Variants in AHCYL1 observed in about 807,000 individuals in gnomAD.
AHCYL1 encodes the protein adenosylhomocysteinase like 1.
AHCYL1 carries 20 observed loss-of-function variants against 79.3 expected under a neutral mutation model. The ratio of observed to expected loss-of-function variants is 0.25; its 90% CI spans 0.18 to 0.37. The LOEUF (loss-of-function observed/expected upper bound fraction) is 0.37, where lower values mean the gene tolerates loss of function less well. Among genes scored for constraint, AHCYL1 ranks in the 10% least tolerant of loss-of-function variants. The pLI, the probability that AHCYL1 is intolerant of heterozygous loss-of-function variation, is 1.00. For synonymous variants in AHCYL1, 223 were observed against 242.2 expected, an observed-to-expected ratio of 0.92 and a Z score of 0.74; for missense variants, 330 against 673.6, an observed-to-expected ratio of 0.49 and a Z score of 5.65.
chr1:109,985,194 G>T (rs1649400400), intron 1 of AHCYL1, 22 bp downstream of exon 1: 6 of 1,599,698 alleles, frequency 3.8e-6, no homozygotes, highest in Non-Finnish European at 5.1e-6. Flanking sequence ...CTGGGTGGCG[G>T]CGGGGGCTCG....
chr1:109,994,554 G>A (rs947412926), intron 1 of AHCYL1, among the ~76,000 whole-genome samples: 2 of 152,206 alleles, frequency 1.3e-5, no homozygotes, highest in Non-Finnish European at 2.9e-5. Context: ...CTCCCAAAGT[G>A]TTGGGATTAC....
intron 1 of AHCYL1, among the ~76,000 whole-genome samples, chr1:109,986,435 T>G (rs1248215274): frequency 6.6e-6 from 1 of 152,184 alleles, no homozygotes; most frequent in Non-Finnish European, 1.5e-5. Context: ...AATTAAGAAT[T>G]TAATTCCTTT....
Position 110,021,687 on chromosome 1 carries a change from A to G in AHCYL1, c.*7A>G. 1.2e-6 allele frequency: 2 copies of G among 1,611,984 alleles called. No homozygotes were observed. Among genetic ancestry groups the G allele is most frequent in the Non-Finnish European group, 1.7e-6 (2 of 1,178,428 alleles). ...CTCTCTTTACAGATACTAATGGACCATACTACCAAGGACCAGTCCACCTGA... is the reference window on the plus strand; with the variant it reads ...CTCTCTTTACAGATACTAATGGACCGTACTACCAAGGACCAGTCCACCTGA... On this transcript the variant is annotated 3_prime_UTR_variant, in exon 17 of 17. Coordinates refer to ENST00000369799, the MANE Select transcript of AHCYL1 (RefSeq NM_006621.7).
At chr1:110,011,665 A>C (rs1339621225) in intron 3 of AHCYL1, among the ~76,000 whole-genome samples, 1 of 152,218 alleles carries the variant, frequency 6.6e-6, no homozygotes, top group African/African-American at 2.4e-5. Context: ...ACTACGTGGT[A>C]GTTGGTTATA....
chr1:110,013,239 A>C (rs1276672224), intron 5 of AHCYL1, among the ~76,000 whole-genome samples: 1 of 152,230 alleles, frequency 6.6e-6, no homozygotes, highest in Non-Finnish European at 1.5e-5. Flanking sequence ...GGTCATGCCC[A>C]GTTCTAGTGT....
At chr1:110,015,377 A>G (rs752938069) in intron 6 of AHCYL1, 48 bp from the exon 7 acceptor site, 3 of 1,496,472 alleles carry the variant, frequency 2.0e-6, no homozygotes, top group Non-Finnish European at 2.8e-6. Context: ...AGTTCCCCCC[A>G]GCCCTAGCAG....
intron 1 of AHCYL1, among the ~76,000 whole-genome samples, chr1:110,003,076 C>T (rs530981770): frequency 6.6e-6 from 1 of 152,072 alleles, no homozygotes; most frequent in Non-Finnish European, 1.5e-5. Flanking sequence ...AACCTTGAAT[C>T]CATGCTGGGT....
intron 1 of AHCYL1, among the ~76,000 whole-genome samples, chr1:109,988,943 C>T (rs535171243): frequency 3.3e-5 from 5 of 152,266 alleles, no homozygotes; most frequent in South Asian, 4.1e-4. Context: ...AGTTATCTTA[C>T]GGTTAATTTT....
chr1:110,016,852 T>G, intron 9 of AHCYL1, 122 bp downstream of exon 9: 1 of 1,034,880 alleles, frequency 9.7e-7, no homozygotes, highest in Non-Finnish European at 1.4e-6. Flanking sequence ...TTAGATAATG[T>G]ATCTCAAACA....
At chr1:109,992,855 A>G (rs1188517897) in intron 1 of AHCYL1, among the ~76,000 whole-genome samples, 1 of 152,194 alleles carries the variant, frequency 6.6e-6, no homozygotes, top group Admixed American at 6.5e-5. Flanking sequence ...GACTTCTGAA[A>G]CTCATGGATC....
intron 1 of AHCYL1, chr1:110,004,491 C>CT: frequency 4.1e-6 from 4 of 985,284 alleles, no homozygotes; most frequent in Non-Finnish European, 4.8e-6. Flanking sequence ...AAGGGAATTC[C>CT]TTTCTTTGGG....
rs1261283025 is a variant in AHCYL1, at chr1:110,020,712, G to C, written c.1466-19G>C. 6.3e-7 allele frequency: 1 copy of C among 1,584,398 alleles called. No individual in the cohort carries two copies. The highest frequency in any genetic ancestry group is 1.4e-5 in the African/African-American group (1 of 72,824). On this transcript the variant is annotated intron_variant, in intron 15 of 16. Coordinates refer to ENST00000369799, the MANE Select transcript of AHCYL1 (RefSeq NM_006621.7). ...ATTTTGAAAAGGAGTCTGCTCTCCT[G>C]CCACTTTGCTCTTCCTAGATGAATA...
chr1:110,017,926 G>T lies in AHCYL1; in HGVS notation c.1053-20G>T. ...ACTGCCTTCTTGCTTTACTCATAGT[G>T]TTCCTTTCTTTTCTTCCAGCATGGA... On this transcript the variant is annotated intron_variant, in intron 10 of 16. Transcript: ENST00000369799. 6.2e-7 allele frequency: 1 copy of T among 1,613,450 alleles called. No individual in the cohort carries two copies. The highest frequency in any genetic ancestry group is 1.1e-5 in the South Asian group (1 of 91,072).
intron 1 of AHCYL1, among the ~76,000 whole-genome samples, chr1:109,994,990 G>A (rs1649952420): frequency 6.6e-6 from 1 of 152,202 alleles, no homozygotes; most frequent in South Asian, 2.1e-4. Flanking sequence ...CAAGGAAAAT[G>A]CATCTTGGTG....
intron 1 of AHCYL1, among the ~76,000 whole-genome samples, chr1:110,002,168 T>C (rs1650351004): frequency 6.6e-6 from 1 of 152,248 alleles, no homozygotes; most frequent in Admixed American, 6.5e-5. Flanking sequence ...GATTTCTCTC[T>C]CTACCAAAAG....
chr1:110,014,949 T>A, intron 6 of AHCYL1, 92 bp downstream of exon 6: 1 of 1,218,328 alleles, frequency 8.2e-7, no homozygotes, highest in Non-Finnish European at 1.2e-6. Context: ...TTTGGATGTT[T>A]GGTCTTATGC....
intron 1 of AHCYL1, chr1:109,995,710 T>C: frequency 2.0e-6 from 2 of 985,050 alleles, no homozygotes; most frequent in Non-Finnish European, 2.4e-6. Flanking sequence ...AAGGTATCAG[T>C]CACATAGAGG....
chr1:110,011,167 G>T (rs970630404), intron 2 of AHCYL1, 47 bp from the exon 3 acceptor site: 2 of 1,607,654 alleles, frequency 1.2e-6, no homozygotes, highest in South Asian at 1.1e-5. Flanking sequence ...TAGAGTTGGG[G>T]ACCACTGAGG....
rs1557778541 is a variant in AHCYL1 at position 110,021,733 on chromosome 1, A to AT, written c.*59dup. 1 of 1,548,434 alleles carries AT rather than the reference A, an allele frequency of 6.5e-7. No individual in the cohort carries two copies. Among genetic ancestry groups the AT allele is most frequent in the Non-Finnish European group, 8.8e-7 (1 of 1,132,672 alleles). On this transcript the variant is annotated 3_prime_UTR_variant, in exon 17 of 17. Coordinates refer to ENST00000369799, the MANE Select transcript of AHCYL1 (RefSeq NM_006621.7). ...CCTGAACCACACACTCTAAAGAAATATTTTTTAAGATAACTTTTATTTTCT... is the reference window on the plus strand; with the variant it reads ...CCTGAACCACACACTCTAAAGAAATATTTTTTTAAGATAACTTTTATTTTCT...
Sources: allele counts gnomAD v4.1 joint callset (sites outside exome capture counted in the v4.1 genomes callset), GRCh38; gene constraint gnomAD v4.1.1; transcripts MANE v1.5; gene names NCBI Gene and HGNC (gene_info 2026-07-23, HGNC 2026-07-21).